Variants in CADPS2 observed in about 807,000 individuals in gnomAD.
CADPS2 encodes the protein calcium dependent secretion activator 2, also known as calcium-dependent secretion activator 2.
CADPS2 carries 93 observed loss-of-function variants against 172.5 expected under a neutral mutation model. That is an observed-to-expected ratio of 0.54 (90% CI 0.46 to 0.64). The LOEUF (loss-of-function observed/expected upper bound fraction) is 0.64. Ranked by LOEUF, CADPS2 falls within the 30% of genes least tolerant of loss-of-function variation. The pLI, the probability that CADPS2 is intolerant of heterozygous loss-of-function variation, is 0.00. For missense variants in CADPS2, 1,420 were observed against 1,565.9 expected (o/e 0.91, Z 1.57); for synonymous variants, 546 against 555.2 (o/e 0.98, Z 0.23).
chr7:122,518,678 T>C (rs189500432), intron 8 of CADPS2, among the ~76,000 whole-genome samples: 11 of 152,152 alleles, frequency 7.2e-5, no homozygotes, highest in African/African-American at 2.2e-4. Context: ...TTCCTCATGA[T>C]TGTGTGATTA....
chr7:122,621,374 A>T (rs1036107173), intron 5 of CADPS2, 107 bp downstream of exon 5: 2 of 744,168 alleles, frequency 2.7e-6, no homozygotes, highest in Non-Finnish European at 2.3e-6. Flanking sequence ...CATCTCCAAC[A>T]TATATTACAC....
Position 122,513,172 on chromosome 7 carries a change from G to C in CADPS2, c.1542+77C>G, listed in dbSNP as rs1459828146. The C allele has an allele frequency of 1.5e-5, 14 of 919,748 alleles. No homozygotes were observed. The East Asian group carries it at 3.5e-4, about 23-fold the overall frequency. The allele number at this position is 919,748 out of a possible 1,614,324, so 57.0% of individuals were successfully genotyped here. On this transcript the variant is annotated intron_variant, in intron 9 of 29. Coordinates refer to ENST00000449022, the MANE Select transcript of CADPS2 (RefSeq NM_017954.11). ...TTTAATTTCTAAAACAGTAAATTTTGATAGATATAACCCACATAAACAAAT... is the reference window on the plus strand; with the variant it reads ...TTTAATTTCTAAAACAGTAAATTTTCATAGATATAACCCACATAAACAAAT...
intron 8 of CADPS2, among the ~76,000 whole-genome samples, chr7:122,541,362 A>ATTT (rs34290734): frequency 0.019 from 2,466 of 132,578 alleles, 50 homozygotes; most frequent in East Asian, 0.029. Flanking sequence ...ACACCCAGCT[A>ATTT]TTTTTTTTTT....
At chr7:122,689,477 G>A (rs1333220843) in intron 2 of CADPS2, among the ~76,000 whole-genome samples, 2 of 152,144 alleles carry the variant, frequency 1.3e-5, no homozygotes, top group Non-Finnish European at 2.9e-5. Flanking sequence ...CTACAGTAAT[G>A]ACACCTGCTC....
Position 122,319,003 on chromosome 7 carries a change from C to T in CADPS2, c.*1162G>A, listed in dbSNP as rs564859358. ...ACAAAAATAATTCATAGAGAACTTA[C>T]GCAACATAATACAATTATCTCTCAA... On this transcript the variant is annotated 3_prime_UTR_variant, in exon 30 of 30. Transcript: ENST00000449022. 9.2e-5 allele frequency: 14 copies of T among 152,158 alleles called. No individual in the cohort carries two copies. Among genetic ancestry groups the T allele is most frequent in the South Asian group, 2.1e-4 (1 of 4,812 alleles). The allele number at this position is 152,158 out of a possible 1,614,324, so 9.4% of individuals were successfully genotyped here. A position where few individuals can be genotyped will look rare whatever the true frequency, so the allele number is the denominator to read the frequency against.
chr7:122,436,706 G>T (rs916093860), intron 17 of CADPS2, among the ~76,000 whole-genome samples: 2 of 151,896 alleles, frequency 1.3e-5, no homozygotes, highest in Admixed American at 6.6e-5. Flanking sequence ...TAAGAGAGAA[G>T]TGACTTCAGA....
intron 1 of CADPS2, among the ~76,000 whole-genome samples, chr7:122,759,086 T>C (rs1260405281): frequency 1.3e-5 from 2 of 152,066 alleles, no homozygotes; most frequent in Non-Finnish European, 2.9e-5. Flanking sequence ...TACATTTCTA[T>C]GAAGTTGAGT....
intron 8 of CADPS2, among the ~76,000 whole-genome samples, chr7:122,541,869 A>T (rs1288004948): frequency 6.9e-6 from 1 of 144,258 alleles, no homozygotes; most frequent in Non-Finnish European, 1.5e-5. Context: ...ATATATATGC[A>T]TATATATTTA....
intron 6 of CADPS2, among the ~76,000 whole-genome samples, chr7:122,607,597 G>A: frequency 6.6e-6 from 1 of 152,036 alleles, no homozygotes. Flanking sequence ...GTTTTTCACT[G>A]GAGCTCATGA....
At chr7:122,326,583 A>G (rs2150747989) in intron 28 of CADPS2, among the ~76,000 whole-genome samples, 1 of 152,202 alleles carries the variant, frequency 6.6e-6, no homozygotes, top group East Asian at 1.9e-4. Context: ...GAAAGACAGG[A>G]GATTTTGTGC....
intron 8 of CADPS2, among the ~76,000 whole-genome samples, chr7:122,517,036 C>T (rs144572603): frequency 6.8e-4 from 104 of 152,232 alleles, no homozygotes; most frequent in African/African-American, 2.5e-3. Context: ...TTCCCTTATG[C>T]CCTTTATGAT....
chr7:122,525,642 C>T (rs377175356), intron 8 of CADPS2, among the ~76,000 whole-genome samples: 32 of 152,154 alleles, frequency 2.1e-4, no homozygotes, highest in Non-Finnish European at 2.2e-4. Context: ...CTGAAAAATG[C>T]ATCATGAGGC....
At chr7:122,475,588 T>C (rs1374624507) in intron 12 of CADPS2, among the ~76,000 whole-genome samples, 3 of 152,352 alleles carry the variant, frequency 2.0e-5, no homozygotes, top group South Asian at 2.1e-4. Flanking sequence ...AAACTCAATA[T>C]TGATCTGTGG....
At chr7:122,744,381 T>C (rs1407141426) in intron 1 of CADPS2, among the ~76,000 whole-genome samples, 1 of 152,180 alleles carries the variant, frequency 6.6e-6, no homozygotes, top group East Asian at 1.9e-4. Flanking sequence ...ATTGGTAATA[T>C]GCAGTTAACA....
chr7:122,842,065 G>C (rs1289952001), intron 1 of CADPS2, among the ~76,000 whole-genome samples: 3 of 152,188 alleles, frequency 2.0e-5, no homozygotes, highest in Non-Finnish European at 2.9e-5. Flanking sequence ...GAGAGATGAG[G>C]AGCAGCTCCT....
At chr7:122,383,393 AC>A (rs1180447493) in intron 24 of CADPS2, among the ~76,000 whole-genome samples, 2 of 152,090 alleles carry the variant, frequency 1.3e-5, no homozygotes, top group Non-Finnish European at 2.9e-5. Flanking sequence ...TATGCTCAAT[AC>A]CCAGGTGTAA....
chr7:122,720,346 T>C (rs1442888205), intron 2 of CADPS2, among the ~76,000 whole-genome samples: 1 of 151,876 alleles, frequency 6.6e-6, no homozygotes, highest in Non-Finnish European at 1.5e-5. Flanking sequence ...TAATTGTATA[T>C]TCTTAAATAT....
intron 2 of CADPS2, among the ~76,000 whole-genome samples, chr7:122,721,212 A>C (rs2090351389): frequency 6.6e-6 from 1 of 152,100 alleles, no homozygotes; most frequent in African/African-American, 2.4e-5. Context: ...CTCTCCTTAG[A>C]GACACAAAAA....
At chr7:122,764,510 G>A (rs972182851) in intron 1 of CADPS2, among the ~76,000 whole-genome samples, 77 of 151,826 alleles carry the variant, frequency 5.1e-4, no homozygotes, top group African/African-American at 1.7e-3. Flanking sequence ...TGGAGCTTAC[G>A]TTCTAGATAT....
Sources: allele counts gnomAD v4.1 joint callset (sites outside exome capture counted in the v4.1 genomes callset), GRCh38; gene constraint gnomAD v4.1.1; transcripts MANE v1.5; gene names NCBI Gene and HGNC (gene_info 2026-07-23, HGNC 2026-07-21).